Variants in DGCR2 observed in about 807,000 individuals in gnomAD.
The protein encoded by DGCR2 is DiGeorge syndrome critical region gene 2, also known as integral membrane protein DGCR2/IDD.
DGCR2 carries 24 observed loss-of-function variants against 51.6 expected under a neutral mutation model. The observed-to-expected ratio is 0.47, with a 90% CI of 0.34 to 0.65. The LOEUF is 0.65. DGCR2 is among the 30% of genes least tolerant of loss of function. The pLI is 0.01. For synonymous variants in DGCR2, 340 were observed against 315.4 expected (o/e 1.08, Z -0.82); for missense variants, 765 against 772.1 (o/e 0.99, Z 0.11).
At position 19,038,829 on chromosome 22, in the gene DGCR2, G is replaced by A. The variant is rs755436064; in HGVS notation, c.*36C>T. Reference sequence around the variant, plus strand: ...GGACCGGTGTTTTCTACAACAGACAGGTGCTCCCAGACCGTTGGGGTACAG... The same window carrying A: ...GGACCGGTGTTTTCTACAACAGACAAGTGCTCCCAGACCGTTGGGGTACAG... On this transcript the variant is annotated 3_prime_UTR_variant, in exon 10 of 10. Transcript: ENST00000263196. 8 of 1,596,138 alleles carry A rather than the reference G, an allele frequency of 5.0e-6. No individual in the cohort carries two copies. The highest frequency in any genetic ancestry group is 6.8e-6 in the Non-Finnish European group (8 of 1,168,996).
At chr22:19,100,101 T>C (rs923663603) in intron 1 of DGCR2, among the ~76,000 whole-genome samples, 1 of 151,728 alleles carries the variant, frequency 6.6e-6, no homozygotes, top group East Asian at 1.9e-4. Flanking sequence ...CGAAACCCTG[T>C]CCCTACTAAA....
chr22:19,065,131 T>A, intron 3 of DGCR2, 64 bp from the exon 4 acceptor site: 1 of 1,410,184 alleles, frequency 7.1e-7, no homozygotes, highest in Non-Finnish European at 9.9e-7. Context: ...AAATTATATG[T>A]ACTCCATCAG....
chr22:19,075,401 C>A (rs138016943), intron 2 of DGCR2, among the ~76,000 whole-genome samples: 1 of 151,538 alleles, frequency 6.6e-6, no homozygotes, highest in African/African-American at 2.4e-5. Flanking sequence ...GAGCCGAGAT[C>A]GTGCCACTGC....
At chr22:19,052,470 T>G (rs1422961911) in intron 6 of DGCR2, among the ~76,000 whole-genome samples, 2 of 151,790 alleles carry the variant, frequency 1.3e-5, no homozygotes, top group African/African-American at 4.8e-5. Flanking sequence ...AAAACACGTT[T>G]GCACAAAAAC....
At chr22:19,097,846 G>A (rs935253129) in intron 1 of DGCR2, among the ~76,000 whole-genome samples, 3 of 152,116 alleles carry the variant, frequency 2.0e-5, no homozygotes, top group African/African-American at 7.2e-5. Flanking sequence ...TAGCCAGACT[G>A]AGACAGTCAC....
At chr22:19,082,769 GAAAA>G (rs1200637904) in intron 2 of DGCR2, among the ~76,000 whole-genome samples, 2 of 145,448 alleles carry the variant, frequency 1.4e-5, no homozygotes, top group Non-Finnish European at 3.0e-5. Context: ...AAAAAAAACA[GAAAA>G]AAAAAGAAAG....
At chr22:19,052,452 GAA>G (rs1262782001) in intron 6 of DGCR2, among the ~76,000 whole-genome samples, 1 of 151,922 alleles carries the variant, frequency 6.6e-6, no homozygotes, top group Non-Finnish European at 1.5e-5. Flanking sequence ...AAGAAAAAAA[GAA>G]AAAAGAAAAC....
Position 19,038,940 on chromosome 22 carries a change from G to A in DGCR2, c.1578C>T (p.Ser526=), listed in dbSNP as rs147091299. The A allele has an allele frequency of 1.3e-5, 21 of 1,612,396 alleles. No individual in the cohort carries two copies. Among genetic ancestry groups the A allele is most frequent in the South Asian group, 3.3e-5 (3 of 90,982 alleles). The change falls in exon 10 of 10, where the codon AGC becomes AGT. Residue 526 remains serine, a synonymous_variant. Coordinates refer to ENST00000263196, the MANE Select transcript of DGCR2 (RefSeq NM_005137.3). Reference sequence around the variant, plus strand: ...GTGCCTCTGCAGCTGGGGTGCTCCCGCTCTGGGCAGGGTCAGGGGGCACGA... The same window carrying A: ...GTGCCTCTGCAGCTGGGGTGCTCCCACTCTGGGCAGGGTCAGGGGGCACGA... ...ALLVPPDPAQ[S]GSTPAAEALP...
At chr22:19,077,233 G>C (rs112276344) in intron 2 of DGCR2, among the ~76,000 whole-genome samples, 2,449 of 152,218 alleles carry the variant, frequency 0.016, 72 homozygotes, top group African/African-American at 0.056. Flanking sequence ...TGTTGCCTGT[G>C]ATTTAAGTGT....
At chr22:19,120,526 G>T (rs1316515827) in intron 1 of DGCR2, among the ~76,000 whole-genome samples, 1 of 152,180 alleles carries the variant, frequency 6.6e-6, no homozygotes, top group Non-Finnish European at 1.5e-5. Flanking sequence ...TTTCTCAGTT[G>T]CTGCTGGCCA....
intron 1 of DGCR2, 43 bp downstream of exon 1, chr22:19,122,085 G>A (rs767535943): frequency 9.3e-6 from 13 of 1,399,772 alleles, no homozygotes; most frequent in Non-Finnish European, 1.1e-5. Context: ...CCCCGGCCCC[G>A]CTCGCCGCCC....
At chr22:19,062,459 C>G (rs1382181147) in intron 5 of DGCR2, among the ~76,000 whole-genome samples, 1 of 152,206 alleles carries the variant, frequency 6.6e-6, no homozygotes. Flanking sequence ...CTTAGAGATA[C>G]TTAAGACATC....
chr22:19,122,231 G>GGTGGCT lies in DGCR2; in HGVS notation c.-26_-25insAGCCAC. The GGTGGCT allele has an allele frequency of 1.6e-6, 2 of 1,254,334 alleles. No homozygotes were observed. The highest frequency in any genetic ancestry group is 2.1e-6 in the Non-Finnish European group (2 of 937,238). 77.7% of individuals were successfully genotyped at this position (1,254,334 alleles called of 1,614,324 possible). A position where few individuals can be genotyped will look rare whatever the true frequency, so the allele number is the denominator to read the frequency against. Reference sequence around the variant, plus strand: ...TTTATCCTCCGTTCATCGTCCCCGGGGCGGCTGGAAGGCCGGACCAGGCCG... The same window carrying GGTGGCT: ...TTTATCCTCCGTTCATCGTCCCCGGGGTGGCTGCGGCTGGAAGGCCGGACCAGGCCG... On this transcript the variant is annotated 5_prime_UTR_variant, in exon 1 of 10. Transcript: ENST00000263196.
At chr22:19,094,378 T>C (rs578086301) in intron 1 of DGCR2, among the ~76,000 whole-genome samples, 36 of 152,286 alleles carry the variant, frequency 2.4e-4, no homozygotes, top group Admixed American at 9.2e-4. Context: ...TGAGCCAAGA[T>C]TGCACCACTG....
chr22:19,104,225 A>G (rs1032612428), intron 1 of DGCR2, among the ~76,000 whole-genome samples: 4 of 152,172 alleles, frequency 2.6e-5, no homozygotes, highest in African/African-American at 9.7e-5. Context: ...GGGAACCCCC[A>G]GAGACCCCTG....
At chr22:19,052,671 C>T (rs1400181156) in intron 6 of DGCR2, among the ~76,000 whole-genome samples, 2 of 151,398 alleles carry the variant, frequency 1.3e-5, no homozygotes, top group Non-Finnish European at 2.9e-5. Flanking sequence ...GTCCCAGTTA[C>T]TCGGGAGGCT....
intron 1 of DGCR2, among the ~76,000 whole-genome samples, chr22:19,113,382 T>A (rs1324580372): frequency 1.2e-3 from 174 of 142,762 alleles, no homozygotes; most frequent in Admixed American, 2.3e-3. Context: ...AAAATAAAAA[T>A]AAAAAAAAAA....
chr22:19,107,885 A>T (rs2083275000), intron 1 of DGCR2, among the ~76,000 whole-genome samples: 1 of 152,252 alleles, frequency 6.6e-6, no homozygotes, highest in Non-Finnish European at 1.5e-5. Flanking sequence ...TAGCCACAGG[A>T]TAGCGCAGCC....
chr22:19,066,433 C>CA (rs199777890), intron 3 of DGCR2, among the ~76,000 whole-genome samples: 14,288 of 150,676 alleles, frequency 0.095, 736 homozygotes, highest in Middle Eastern at 0.15. Context: ...AACAAACAAA[C>CA]AAAAAAAAAC....
Sources: gnomAD v4.1 joint callset for allele counts (sites outside exome capture counted in the v4.1 genomes callset) on GRCh38, gnomAD v4.1.1 for gene constraint, MANE v1.5 for transcripts, NCBI Gene and HGNC (gene_info 2026-07-23, HGNC 2026-07-21) for gene names.